The following SPHKAP variants were observed in gnomAD, a reference collection of about 807,000 sequenced individuals.
The protein encoded by SPHKAP is SPHK1 interactor, AKAP domain containing, also known as A-kinase anchor protein SPHKAP.
Under a neutral mutation model 137.5 loss-of-function variants are expected in SPHKAP, and 67 were observed. That is an observed-to-expected ratio of 0.49 (90% confidence interval 0.40 to 0.60). The LOEUF is 0.60. Ranked by LOEUF, SPHKAP falls within the 20% of genes least tolerant of loss-of-function variation. The pLI, the probability that SPHKAP is intolerant of heterozygous loss-of-function variation, is 0.00. For missense variants in SPHKAP, 2,097 were observed against 2,069.3 expected, an observed-to-expected ratio of 1.01 and a Z score of -0.26; for synonymous variants, 813 against 785.3, an observed-to-expected ratio of 1.04 and a Z score of -0.59.
At chr2:228,153,154 A>C (rs1333697031) in intron 1 of SPHKAP, among the ~76,000 whole-genome samples, 1 of 152,058 alleles carries the variant, frequency 6.6e-6, no homozygotes, top group Admixed American at 6.6e-5. Context: ...TTCTTTATAA[A>C]TTACCCAGTC....
chr2:228,140,170 C>A (rs1699558093), intron 1 of SPHKAP, among the ~76,000 whole-genome samples: 1 of 151,592 alleles, frequency 6.6e-6, no homozygotes, highest in Non-Finnish European at 1.5e-5. Flanking sequence ...TGGTCTCGAT[C>A]TCCTGACCTC....
At chr2:228,011,739 G>A (rs901395638) in intron 7 of SPHKAP, among the ~76,000 whole-genome samples, 6 of 151,980 alleles carry the variant, frequency 3.9e-5, no homozygotes, top group African/African-American at 1.5e-4. Flanking sequence ...TCTATTATAC[G>A]GGGTATACTG....
At chr2:228,160,124 T>C (rs977594016) in intron 1 of SPHKAP, among the ~76,000 whole-genome samples, 3 of 152,176 alleles carry the variant, frequency 2.0e-5, no homozygotes, top group South Asian at 2.1e-4. Flanking sequence ...GAGTTTTCAA[T>C]GAACATGAGA....
rs1694675054 is a variant in SPHKAP, at chr2:228,017,957, C to T, written c.2897G>A (p.Ser966Asn). ...TACGTTGGGTGTCATCAGAAACTCA[C>T]TCCCTCTTTTCCATGCACAAAACCA... is the stretch of plus-strand genomic sequence containing the variant. Reference protein sequence around the residue: ...QPWFCAWKRGSEFLMTPNVPC... With the variant: ...QPWFCAWKRGNEFLMTPNVPC... The change falls in exon 7 of 12, where the codon AGT becomes AAT. Residue 966 changes from serine to asparagine, a missense_variant. By Grantham distance (46) the Ser-to-Asn change is conservative. Coordinates refer to ENST00000392056, the MANE Select transcript of SPHKAP (RefSeq NM_001142644.2). 6.2e-7 allele frequency: 1 copy of T among 1,614,144 alleles called. No individual in the cohort carries two copies. Among genetic ancestry groups the T allele is most frequent in the Non-Finnish European group, 8.5e-7 (1 of 1,180,026 alleles).
At chr2:228,035,802 A>G (rs1173850618) in intron 3 of SPHKAP, among the ~76,000 whole-genome samples, 1 of 152,212 alleles carries the variant, frequency 6.6e-6, no homozygotes, top group East Asian at 1.9e-4. Context: ...TATTTAATAA[A>G]TGGTGCTGGG....
At chr2:228,024,106 C>T (rs1478929471) in intron 5 of SPHKAP, among the ~76,000 whole-genome samples, 3 of 152,158 alleles carry the variant, frequency 2.0e-5, no homozygotes, top group Non-Finnish European at 1.5e-5. Context: ...TAATCTACTC[C>T]TGGATTTTTC....
chr2:228,016,481 C>A lies in SPHKAP; in HGVS notation c.4373G>T (p.Gly1458Val). ...TGGGATGTTTTTGTCATTCGAATGC[C>A]CTTCTGCTTCCTCTAGGAGGCTGCT... ...SKSSLLEEAEGHSNDKNIPDV... is the reference protein window; with the variant it reads ...SKSSLLEEAEVHSNDKNIPDV... Residue 1458 changes from glycine to valine, a missense_variant, in exon 7 of 12, where the codon GGG becomes GTG. By Grantham distance (109) the Gly-to-Val change is moderately radical (BLOSUM62 -3). Transcript: ENST00000392056. 1 of 1,613,428 alleles carries A rather than the reference C, an allele frequency of 6.2e-7. No individual in the cohort carries two copies. The highest frequency in any genetic ancestry group is 8.5e-7 in the Non-Finnish European group (1 of 1,179,774).
At chr2:228,001,374 AAT>A (rs1009651254) in intron 7 of SPHKAP, among the ~76,000 whole-genome samples, 3 of 143,884 alleles carry the variant, frequency 2.1e-5, no homozygotes, top group African/African-American at 7.6e-5. Flanking sequence ...TACACACATA[AAT>A]ATATATACAC....
At chr2:228,154,506 C>A (rs1328664529) in intron 1 of SPHKAP, among the ~76,000 whole-genome samples, 818 of 29,754 alleles carry the variant, frequency 0.027, 4 homozygotes, top group Middle Eastern at 0.05. Context: ...CTCTCTCTCT[C>A]TCTCTCTATA....
chr2:228,052,486 A>G (rs1409395512), intron 3 of SPHKAP, among the ~76,000 whole-genome samples: 3 of 152,194 alleles, frequency 2.0e-5, no homozygotes, highest in East Asian at 3.9e-4. Context: ...TCAGAACAAT[A>G]TAACACTGTT....
At chr2:228,040,055 C>T (rs185434005) in intron 3 of SPHKAP, among the ~76,000 whole-genome samples, 50 of 152,128 alleles carry the variant, frequency 3.3e-4, no homozygotes, top group Admixed American at 2.1e-3. Flanking sequence ...CTAAAGTTAG[C>T]TAACATCTAC....
intron 1 of SPHKAP, among the ~76,000 whole-genome samples, chr2:228,173,728 C>T (rs1223289289): frequency 6.6e-6 from 1 of 152,112 alleles, no homozygotes; most frequent in Non-Finnish European, 1.5e-5. Flanking sequence ...GACTTCTGAC[C>T]TACAGAACTG....
chr2:228,168,544 C>T (rs1347688612), intron 1 of SPHKAP, among the ~76,000 whole-genome samples: 1 of 152,166 alleles, frequency 6.6e-6, no homozygotes, highest in Non-Finnish European at 1.5e-5. Flanking sequence ...TGGGGCACCA[C>T]ACACCATGGC....
intron 3 of SPHKAP, among the ~76,000 whole-genome samples, chr2:228,101,367 T>C (rs1360788823): frequency 6.6e-6 from 1 of 152,220 alleles, no homozygotes; most frequent in Admixed American, 6.5e-5. Context: ...TTATATACAG[T>C]TACATTATTG....
chr2:228,159,105 G>C (rs6723112), intron 1 of SPHKAP, among the ~76,000 whole-genome samples: 21,835 of 152,070 alleles, frequency 0.14, 1,607 homozygotes, highest in East Asian at 0.2. Flanking sequence ...ATCCTCTCCC[G>C]ACTCTGAGCT....
At chr2:228,094,068 A>AT (rs1378607452) in intron 3 of SPHKAP, among the ~76,000 whole-genome samples, 2 of 152,028 alleles carry the variant, frequency 1.3e-5, no homozygotes, top group African/African-American at 2.4e-5. Flanking sequence ...ATATCTAGGT[A>AT]TTTTTTTATA....
At chr2:228,001,764 C>G (rs1693912985) in intron 7 of SPHKAP, among the ~76,000 whole-genome samples, 1 of 151,848 alleles carries the variant, frequency 6.6e-6, no homozygotes, top group Non-Finnish European at 1.5e-5. Flanking sequence ...GTTCCCCTTC[C>G]TGTGTCCATG....
At chr2:228,055,300 G>A (rs895659824) in intron 3 of SPHKAP, among the ~76,000 whole-genome samples, 2 of 152,112 alleles carry the variant, frequency 1.3e-5, no homozygotes, top group Non-Finnish European at 2.9e-5. Context: ...TAAATAAATG[G>A]TAGAGTAATA....
intron 7 of SPHKAP, among the ~76,000 whole-genome samples, chr2:228,005,755 A>T (rs1163072060): frequency 6.6e-6 from 1 of 152,206 alleles, no homozygotes; most frequent in Non-Finnish European, 1.5e-5. Context: ...GTGGTGACAC[A>T]ATCTCTCAGC....
Sources: gnomAD v4.1 joint callset for allele counts (sites outside exome capture counted in the v4.1 genomes callset) on GRCh38, gnomAD v4.1.1 for gene constraint, MANE v1.5 for transcripts, NCBI Gene and HGNC (gene_info 2026-07-23, HGNC 2026-07-21) for gene names.